Variants in SPAG16 observed in about 807,000 individuals in gnomAD.
The protein encoded by SPAG16 is sperm associated antigen 16, also known as sperm-associated antigen 16 protein.
In SPAG16, 86 loss-of-function variants were observed where a neutral mutation model predicts 80.4. The observed-to-expected ratio is 1.07, with a 90% CI of 0.90 to 1.28. SPAG16 has a LOEUF of 1.28. Among genes scored for constraint, SPAG16 ranks in the 50% most tolerant of loss-of-function variants. The probability of loss-of-function intolerance (pLI) is 0.00; values close to 1 mark genes in which losing one functional copy is unlikely to be tolerated. For synonymous variants in SPAG16, 294 were observed against 265.9 expected, an observed-to-expected ratio of 1.11 and a Z score of -1.03; for missense variants, 870 against 765.3, an observed-to-expected ratio of 1.14 and a Z score of -1.61.
At chr2:213,472,353 A>G (rs886609058) in intron 9 of SPAG16, among the ~76,000 whole-genome samples, 1 of 151,964 alleles carries the variant, frequency 6.6e-6, no homozygotes, top group African/African-American at 2.4e-5. Context: ...GCAGCTGCAA[A>G]TGGAGTCACC....
intron 15 of SPAG16, among the ~76,000 whole-genome samples, chr2:214,229,253 A>T (rs775876339): frequency 6.6e-6 from 1 of 151,774 alleles, no homozygotes; most frequent in Admixed American, 6.6e-5. Flanking sequence ...TCTGGCTCTA[A>T]GATTAAAGGA....
intron 11 of SPAG16, among the ~76,000 whole-genome samples, chr2:213,878,981 G>T (rs1593689): frequency 0.59 from 90,315 of 151,812 alleles, 28,723 homozygotes; most frequent in South Asian, 0.85. Flanking sequence ...TTAATTTCTG[G>T]GTTCTCTATT....
chr2:214,090,187 C>A (rs2052078736), intron 13 of SPAG16, among the ~76,000 whole-genome samples: 1 of 148,292 alleles, frequency 6.7e-6, no homozygotes, highest in African/African-American at 2.5e-5. Context: ...GGAGAATGAA[C>A]AAAGAGAAAG....
At chr2:213,776,118 A>G (rs552709046) in intron 10 of SPAG16, among the ~76,000 whole-genome samples, 1 of 152,294 alleles carries the variant, frequency 6.6e-6, no homozygotes, top group South Asian at 2.1e-4. Flanking sequence ...CTACATCCCA[A>G]TCATTGGGAT....
At chr2:214,276,817 C>T (rs1462712628) in intron 15 of SPAG16, among the ~76,000 whole-genome samples, 1 of 152,108 alleles carries the variant, frequency 6.6e-6, no homozygotes. Context: ...CTCTTTATTT[C>T]CTGAATTTCA....
chr2:214,390,344 A>ATTTTT (rs766813557), intron 15 of SPAG16, among the ~76,000 whole-genome samples: 10,371 of 97,794 alleles, frequency 0.11, 503 homozygotes, highest in Non-Finnish European at 0.18. Flanking sequence ...TTTTTTTTAA[A>ATTTTT]AAAAAAAAAA....
chr2:214,334,645 G>C (rs1260562926), intron 15 of SPAG16, among the ~76,000 whole-genome samples: 1 of 152,150 alleles, frequency 6.6e-6, no homozygotes, highest in African/African-American at 2.4e-5. Context: ...ATGTATCCCT[G>C]GAATCCAGCA....
At chr2:214,014,205 AG>A (rs1308731311) in intron 13 of SPAG16, 128 bp downstream of exon 13, 1 of 1,188,608 alleles carries the variant, frequency 8.4e-7, no homozygotes, top group Non-Finnish European at 1.2e-6. Flanking sequence ...AACAGTAAAA[AG>A]TTCATAATTA....
At chr2:213,503,298 T>G (rs540316565) in intron 10 of SPAG16, among the ~76,000 whole-genome samples, 11 of 152,368 alleles carry the variant, frequency 7.2e-5, no homozygotes, top group African/African-American at 2.4e-4. Context: ...GGTTTTGCTC[T>G]TTGCCTACCT....
intron 15 of SPAG16, among the ~76,000 whole-genome samples, chr2:214,155,657 A>G (rs550078936): frequency 3.3e-5 from 5 of 152,220 alleles, no homozygotes; most frequent in African/African-American, 4.8e-5. Context: ...AATATTTACT[A>G]TCTTGCTCTT....
chr2:213,445,634 C>A (rs947517223), intron 9 of SPAG16, among the ~76,000 whole-genome samples: 1 of 152,056 alleles, frequency 6.6e-6, no homozygotes, highest in East Asian at 1.9e-4. Context: ...CCATTGCACT[C>A]CAGCCTGGGC....
At chr2:213,638,745 T>C (rs1199022614) in intron 10 of SPAG16, among the ~76,000 whole-genome samples, 2 of 152,184 alleles carry the variant, frequency 1.3e-5, no homozygotes, top group African/African-American at 4.8e-5. Context: ...GTTCTGTAGG[T>C]ATTTGTTAAG....
At chr2:213,828,108 T>C (rs2073410562) in intron 10 of SPAG16, among the ~76,000 whole-genome samples, 1 of 152,048 alleles carries the variant, frequency 6.6e-6, no homozygotes, top group African/African-American at 2.4e-5. Flanking sequence ...TTCTACCCCG[T>C]CTCTCTCTTT....
chr2:213,722,294 TC>T (rs1454543511), intron 10 of SPAG16, among the ~76,000 whole-genome samples: 1 of 152,226 alleles, frequency 6.6e-6, no homozygotes, highest in African/African-American at 2.4e-5. Flanking sequence ...TATCTCTTTT[TC>T]TTTTTTGGAA....
At chr2:214,181,432 G>T (rs1003402092) in intron 15 of SPAG16, among the ~76,000 whole-genome samples, 2 of 151,662 alleles carry the variant, frequency 1.3e-5, no homozygotes, top group African/African-American at 4.8e-5. Flanking sequence ...TCCCAGGGGA[G>T]CTTTAGACGT....
At chr2:213,925,578 C>T (rs2078433322) in intron 11 of SPAG16, among the ~76,000 whole-genome samples, 1 of 152,216 alleles carries the variant, frequency 6.6e-6, no homozygotes, top group South Asian at 2.1e-4. Context: ...TCTCGAACTC[C>T]TGACCTCAAG....
intron 13 of SPAG16, among the ~76,000 whole-genome samples, chr2:214,076,847 T>C (rs2051105393): frequency 6.6e-6 from 1 of 152,130 alleles, no homozygotes; most frequent in Non-Finnish European, 1.5e-5. Context: ...AAATTCACTT[T>C]GGGATATATT....
At chr2:214,277,391 T>C (rs1478319053) in intron 15 of SPAG16, among the ~76,000 whole-genome samples, 1 of 152,212 alleles carries the variant, frequency 6.6e-6, no homozygotes, top group African/African-American at 2.4e-5. Context: ...TTTTCATCTT[T>C]TCTCCTCTGG....
chr2:213,340,971 A>C (rs1312459507), intron 6 of SPAG16, among the ~76,000 whole-genome samples: 1 of 152,192 alleles, frequency 6.6e-6, no homozygotes, highest in Non-Finnish European at 1.5e-5. Context: ...GCCCCTAACC[A>C]TTTATATTTA....
Sources: gnomAD v4.1 joint callset for allele counts (sites outside exome capture counted in the v4.1 genomes callset) on GRCh38, gnomAD v4.1.1 for gene constraint, MANE v1.5 for transcripts, NCBI Gene and HGNC (gene_info 2026-07-23, HGNC 2026-07-21) for gene names.